The following FGF12 variants were observed in gnomAD, a reference collection of about 807,000 sequenced individuals.
The protein encoded by FGF12 is fibroblast growth factor 12, also known as fibroblast growth factor 12B.
In FGF12, 14 loss-of-function variants were observed where a neutral mutation model predicts 23.6. The observed-to-expected ratio is 0.59, with a 90% CI of 0.39 to 0.93. FGF12 has a LOEUF of 0.93. Ranked by LOEUF, FGF12 falls within the 40% of genes least tolerant of loss-of-function variation. FGF12 has a pLI of 0.00. For synonymous variants in FGF12, 62 were observed against 77.3 expected, an observed-to-expected ratio of 0.80 and a Z score of 1.04; for missense variants, 175 against 217.8, an observed-to-expected ratio of 0.80 and a Z score of 1.24.
rs562099857 is a variant in FGF12, at chr3:192,316,536, A to T, written c.228+18825T>A. 5.3e-5 allele frequency among the ~76,000 whole-genome samples: 8 copies of T among 152,310 alleles called. No homozygotes were observed. The South Asian group carries it at 1.7e-3, about 32-fold the overall frequency. Reference sequence around the variant, plus strand: ...TACAGTGGAAAACAGCAAAGTGAAGAACTTGCCGGTGCCCAGATAGGGGGC... The same window carrying T: ...TACAGTGGAAAACAGCAAAGTGAAGTACTTGCCGGTGCCCAGATAGGGGGC... On this transcript the variant is annotated intron_variant, in intron 4 of 5. Coordinates refer to ENST00000445105, the MANE Select transcript of FGF12 (RefSeq NM_004113.6).
chr3:192,277,458 G>A (rs1308557906), intron 4 of FGF12, among the ~76,000 whole-genome samples: 1 of 152,162 alleles, frequency 6.6e-6, no homozygotes, highest in African/African-American at 2.4e-5. Context: ...GGTTTTCAAG[G>A]GAAACCAAAG....
chr3:192,657,786 A>G lies in FGF12; in HGVS notation c.13+69395T>C, dbSNP rs151253669. 4.6e-5 allele frequency among the ~76,000 whole-genome samples: 7 copies of G among 152,342 alleles called. No homozygotes were observed. In the East Asian group the frequency reaches 9.6e-4, roughly 21 times the overall value. On this transcript the variant is annotated intron_variant, in intron 2 of 5. Coordinates refer to ENST00000445105, the MANE Select transcript of FGF12 (RefSeq NM_004113.6). ...TAAACCCAAATTTATCAATAAAACCATATTTCCTAGACATTTCCAAACAAT... is the reference window on the plus strand; with the variant it reads ...TAAACCCAAATTTATCAATAAAACCGTATTTCCTAGACATTTCCAAACAAT...
chr3:192,217,001 G>T (rs1219746537), intron 4 of FGF12, among the ~76,000 whole-genome samples: 1 of 152,160 alleles, frequency 6.6e-6, no homozygotes. Flanking sequence ...TGTGCAGCAA[G>T]GAAAGCATGT....
chr3:192,420,899 G>A (rs1721505937), intron 2 of FGF12, among the ~76,000 whole-genome samples: 1 of 151,890 alleles, frequency 6.6e-6, no homozygotes, highest in Non-Finnish European at 1.5e-5. Context: ...CATTTGTCAG[G>A]AAGAAAAACA....
At position 192,385,114 on chromosome 3, in the gene FGF12, A is replaced by C. The variant is rs1719986302; in HGVS notation, c.14-24576T>G. Among the ~76,000 whole-genome samples, 3 of 152,198 alleles carry C rather than the reference A, an allele frequency of 2.0e-5. No individual in the cohort carries two copies. In the South Asian group the frequency reaches 6.2e-4, roughly 31 times the overall value. On this transcript the variant is annotated intron_variant, in intron 2 of 5. Transcript: ENST00000445105. ...TGCTTGTCATATTTGAATGAATTTC[A>C]GTGTGTCTGTGGCAGTGCCTACCAT... is the stretch of plus-strand genomic sequence containing the variant.
chr3:192,724,161 C>G (rs867684865), intron 2 of FGF12, among the ~76,000 whole-genome samples: 1 of 151,988 alleles, frequency 6.6e-6, no homozygotes, highest in Non-Finnish European at 1.5e-5. Context: ...TTTCCTCACT[C>G]CAAATCATGC....
intron 2 of FGF12, among the ~76,000 whole-genome samples, chr3:192,470,061 C>T (rs940219168): frequency 3.3e-5 from 5 of 152,060 alleles, no homozygotes; most frequent in African/African-American, 9.7e-5. Context: ...ATGTGTGATG[C>T]GCTGGAGAGT....
intron 2 of FGF12, among the ~76,000 whole-genome samples, chr3:192,604,092 C>G (rs1471074391): frequency 6.6e-6 from 1 of 152,114 alleles, no homozygotes; most frequent in Non-Finnish European, 1.5e-5. Context: ...CCTACTTGCA[C>G]GTTCATTTAT....
chr3:192,705,652 T>C (rs1342889737), intron 2 of FGF12, among the ~76,000 whole-genome samples: 1 of 152,102 alleles, frequency 6.6e-6, no homozygotes, highest in Non-Finnish European at 1.5e-5. Flanking sequence ...AATAATAGAA[T>C]AACTTAAAAG....
chr3:192,173,626 C>T (rs1715695209), intron 4 of FGF12, among the ~76,000 whole-genome samples: 1 of 151,504 alleles, frequency 6.6e-6, no homozygotes, highest in African/African-American at 2.4e-5. Flanking sequence ...AATCCCAAAG[C>T]TTTTTATTAT....
intron 4 of FGF12, among the ~76,000 whole-genome samples, chr3:192,313,477 A>G (rs1326632626): frequency 6.6e-6 from 1 of 152,220 alleles, no homozygotes; most frequent in East Asian, 1.9e-4. Flanking sequence ...ATAAAGGTTG[A>G]AGTAGTAATG....
intron 4 of FGF12, among the ~76,000 whole-genome samples, chr3:192,297,293 T>C (rs548266533): frequency 6.6e-6 from 1 of 152,368 alleles, no homozygotes; most frequent in South Asian, 2.1e-4. Context: ...TCTGGATTGC[T>C]AGACTGGTTC....
chr3:192,554,853 C>T (rs1387729387), intron 2 of FGF12, among the ~76,000 whole-genome samples: 2 of 150,938 alleles, frequency 1.3e-5, no homozygotes, highest in Admixed American at 1.3e-4. Context: ...TTTTTAAACA[C>T]CCAGAAAGTT....
intron 4 of FGF12, among the ~76,000 whole-genome samples, chr3:192,334,724 A>C (rs1030205388): frequency 2.6e-5 from 4 of 152,162 alleles, no homozygotes; most frequent in African/African-American, 7.2e-5. Context: ...CAACATGCTC[A>C]TTTGAAAAGT....
rs111676726 is a variant in FGF12 at position 192,332,940 on chromosome 3, T to C, written c.228+2421A>G. On this transcript the variant is annotated intron_variant, in intron 4 of 5. Coordinates refer to ENST00000445105, the MANE Select transcript of FGF12 (RefSeq NM_004113.6). The stretch of plus-strand genomic sequence containing the variant: ...ACTTTTAACTCACGAGGCGAAAGCA[T>C]TGTGATTCTAGATGTGAGGCAAGTT... 2.9e-3 allele frequency among the ~76,000 whole-genome samples: 443 copies of C among 152,222 alleles called. 1 individual carries two copies. The highest frequency in any genetic ancestry group is 0.01 in the African/African-American group (419 of 41,546).
intron 4 of FGF12, among the ~76,000 whole-genome samples, chr3:192,277,697 G>A (rs997857366): frequency 1.3e-5 from 2 of 152,256 alleles, no homozygotes; most frequent in South Asian, 2.1e-4. Flanking sequence ...GAAGTCCACC[G>A]CCCAGCATCT....
intron 4 of FGF12, chr3:192,238,035 C>G (rs1214013723): frequency 3.3e-5 from 5 of 152,214 alleles, no homozygotes; most frequent in Non-Finnish European, 7.3e-5. Context: ...GAGGTTTTGA[C>G]TATGGTATAA....
chr3:192,488,328 A>G (rs1723698103), intron 2 of FGF12, among the ~76,000 whole-genome samples: 1 of 152,122 alleles, frequency 6.6e-6, no homozygotes. Context: ...ACTAATAACC[A>G]CATACGAAAA....
intron 2 of FGF12, among the ~76,000 whole-genome samples, chr3:192,720,208 A>T (rs2055636): frequency 0.71 from 108,692 of 152,254 alleles, 39,645 homozygotes; most frequent in African/African-American, 0.85. Flanking sequence ...CTTTACTTCT[A>T]TCACGTAGTT....
Sources: gnomAD v4.1 joint callset for allele counts (sites outside exome capture counted in the v4.1 genomes callset) on GRCh38, gnomAD v4.1.1 for gene constraint, MANE v1.5 for transcripts, NCBI Gene and HGNC (gene_info 2026-07-23, HGNC 2026-07-21) for gene names.